The following ARIH1 variants were observed in gnomAD, a reference collection of about 807,000 sequenced individuals.
ARIH1 encodes ariadne RBR E3 ubiquitin protein ligase 1, also known as E3 ubiquitin-protein ligase ARIH1.
ARIH1 carries 8 observed loss-of-function variants against 85.0 expected under a neutral mutation model. That is an observed-to-expected ratio of 0.09 (90% confidence interval 0.06 to 0.17). The LOEUF is 0.17. ARIH1 is among the 10% of genes least tolerant of loss of function. The pLI is 1.00. For missense variants in ARIH1, 311 were observed against 718.1 expected (o/e 0.43, Z 6.48); for synonymous variants, 238 against 253.6 (o/e 0.94, Z 0.59).
chr15:72,544,583 TG>T (rs2064121034), intron 2 of ARIH1, among the ~76,000 whole-genome samples: 2 of 152,034 alleles, frequency 1.3e-5, no homozygotes, highest in South Asian at 4.1e-4. Context: ...CTCATATATA[TG>T]AGAGTAGACT....
At chr15:72,519,858 A>T (rs1189105667) in intron 2 of ARIH1, among the ~76,000 whole-genome samples, 2 of 151,962 alleles carry the variant, frequency 1.3e-5, no homozygotes, top group Non-Finnish European at 2.9e-5. Flanking sequence ...TTATTTGATG[A>T]CACCTCTACT....
At chr15:72,554,911 G>A (rs146959293) in intron 3 of ARIH1, among the ~76,000 whole-genome samples, 16 of 152,216 alleles carry the variant, frequency 1.1e-4, no homozygotes, top group African/African-American at 3.6e-4. Context: ...GCGTCATGAT[G>A]GCTGACTCAT....
At chr15:72,561,667 C>G in intron 6 of ARIH1, 118 bp downstream of exon 6, 1 of 643,592 alleles carries the variant, frequency 1.6e-6, no homozygotes, top group South Asian at 2.3e-5. Context: ...ATGAAGCATG[C>G]CAAAATACCT....
intron 10 of ARIH1, among the ~76,000 whole-genome samples, chr15:72,570,791 A>G (rs1359042560): frequency 6.6e-6 from 1 of 152,162 alleles, no homozygotes; most frequent in Non-Finnish European, 1.5e-5. Context: ...ATAAGCATAT[A>G]TATGTTGCTT....
chr15:72,552,761 G>C (rs1213213057), intron 3 of ARIH1, among the ~76,000 whole-genome samples: 1 of 151,590 alleles, frequency 6.6e-6, no homozygotes, highest in Non-Finnish European at 1.5e-5. Context: ...AACAGGGATG[G>C]GAATGAGGGA....
At chr15:72,570,333 A>G in intron 10 of ARIH1, 26 bp downstream of exon 10, 3 of 1,613,070 alleles carry the variant, frequency 1.9e-6, no homozygotes, top group Non-Finnish European at 2.5e-6. Context: ...TAAGGGAAGA[A>G]TGTGTTTACA....
At chr15:72,483,829 A>C (rs1396176591) in intron 1 of ARIH1, among the ~76,000 whole-genome samples, 1 of 150,084 alleles carries the variant, frequency 6.7e-6, no homozygotes, top group African/African-American at 2.5e-5. Flanking sequence ...CTAGCTACGT[A>C]ATGGAATCAC....
chr15:72,480,135 C>T (rs1221221330), intron 1 of ARIH1, among the ~76,000 whole-genome samples: 2 of 152,054 alleles, frequency 1.3e-5, no homozygotes, highest in African/African-American at 2.4e-5. Context: ...TGCCAAAGTG[C>T]TGGGATTACA....
intron 7 of ARIH1, 96 bp downstream of exon 7, chr15:72,563,596 C>T: frequency 9.8e-7 from 1 of 1,019,374 alleles, no homozygotes; most frequent in Non-Finnish European, 1.5e-6. Flanking sequence ...AAAGTGTTTA[C>T]CTTAGGCAGG....
intron 1 of ARIH1, among the ~76,000 whole-genome samples, chr15:72,505,641 A>G (rs963019983): frequency 8.5e-5 from 13 of 152,142 alleles, no homozygotes; most frequent in African/African-American, 3.1e-4. Flanking sequence ...AATTTTGATC[A>G]CTTCTGCCAA....
chr15:72,567,053 T>G, intron 8 of ARIH1, 53 bp from the exon 9 acceptor site: 1 of 1,350,284 alleles, frequency 7.4e-7, no homozygotes. Context: ...TAAAGTAATT[T>G]GCTATTTTTA....
At chr15:72,543,272 G>A (rs1049328382) in intron 2 of ARIH1, among the ~76,000 whole-genome samples, 7 of 151,944 alleles carry the variant, frequency 4.6e-5, no homozygotes, top group African/African-American at 1.7e-4. Flanking sequence ...CAGTAGAATC[G>A]CTTGAACCTG....
chr15:72,589,204 T>C lies in ARIH1; in HGVS notation c.*5912T>C, dbSNP rs144851503. 44 of 152,318 alleles carry C rather than the reference T, an allele frequency of 2.9e-4. No individual in the cohort carries two copies. The East Asian group carries it at 7.7e-3, about 27-fold the overall frequency. The allele number at this position is 152,318 out of a possible 1,614,324, so 9.4% of individuals were successfully genotyped here. The stretch of plus-strand genomic sequence containing the variant: ...ATTTTTATGAGGAAAGACACTCATA[T>C]ACTACTAACTTACTCAAAAGTTACA... On this transcript the variant is annotated 3_prime_UTR_variant, in exon 14 of 14. Coordinates refer to ENST00000379887, the MANE Select transcript of ARIH1 (RefSeq NM_005744.5).
chr15:72,547,614 C>T (rs1387349184), intron 3 of ARIH1, among the ~76,000 whole-genome samples: 2 of 152,126 alleles, frequency 1.3e-5, no homozygotes, highest in Non-Finnish European at 2.9e-5. Context: ...TTTCTCTTAC[C>T]TTAAATCACA....
At chr15:72,567,216 G>C in intron 9 of ARIH1, 39 bp downstream of exon 9, 2 of 1,534,690 alleles carry the variant, frequency 1.3e-6, no homozygotes, top group Non-Finnish European at 1.8e-6. Flanking sequence ...TAATAAAAAT[G>C]ATAAGGATTG....
intron 2 of ARIH1, among the ~76,000 whole-genome samples, chr15:72,535,260 G>A (rs1012110497): frequency 2.0e-5 from 3 of 152,088 alleles, no homozygotes; most frequent in African/African-American, 4.8e-5. Flanking sequence ...CTTATTGTCT[G>A]TATTCTTACC....
chr15:72,545,392 A>C (rs773291672), intron 3 of ARIH1, among the ~76,000 whole-genome samples: 6 of 152,236 alleles, frequency 3.9e-5, no homozygotes, highest in Non-Finnish European at 7.3e-5. Flanking sequence ...AGAAGATAAG[A>C]TTTTCACTTA....
chr15:72,477,890 C>T (rs555393267), intron 1 of ARIH1, among the ~76,000 whole-genome samples: 1 of 152,294 alleles, frequency 6.6e-6, no homozygotes, highest in South Asian at 2.1e-4. Context: ...ACTGCAACCT[C>T]TCCCTCCCAG....
At chr15:72,536,046 G>T (rs993699275) in intron 2 of ARIH1, among the ~76,000 whole-genome samples, 1 of 152,062 alleles carries the variant, frequency 6.6e-6, no homozygotes, top group Non-Finnish European at 1.5e-5. Context: ...TGTGTTTGAT[G>T]ATCTTGGTAA....
Sources: allele counts gnomAD v4.1 joint callset (sites outside exome capture counted in the v4.1 genomes callset), GRCh38; gene constraint gnomAD v4.1.1; transcripts MANE v1.5; gene names NCBI Gene and HGNC (gene_info 2026-07-23, HGNC 2026-07-21).